Variants in MRNIP observed in about 807,000 individuals in gnomAD.
The protein encoded by MRNIP is MRN complex interacting protein.
In MRNIP, 30 loss-of-function variants were observed where a neutral mutation model predicts 29.8. That is an observed-to-expected ratio of 1.01 (90% CI 0.75 to 1.36). The LOEUF is 1.36. MRNIP is among the 40% of genes most tolerant of loss of function. The pLI is 0.00. For missense variants in MRNIP, 459 were observed against 423.5 expected (o/e 1.08, Z -0.74); for synonymous variants, 201 against 164.1 (o/e 1.23, Z -1.72).
intron 5 of MRNIP, chr5:179,841,494 A>G (rs1157686608): frequency 5.4e-6 from 1 of 186,716 alleles, no homozygotes. Context: ...GCCTCCCTAG[A>G]TCCTTAACCT....
In MRNIP at chr5:179,857,596, C is replaced by A. The variant is rs111555939; in HGVS notation, c.66+1135G>T. On this transcript the variant is annotated intron_variant, in intron 1 of 6. Coordinates refer to ENST00000292586, the MANE Select transcript of MRNIP (RefSeq NM_016175.4). ...TTTGCAACTCTTAGGACCCAGCTCC[C>A]GAAAGAAAATAAGTAAAAAGTTTCT... Among the ~76,000 whole-genome samples the A allele has an allele frequency of 2.8e-3, 426 of 152,268 alleles. 1 individual carries two copies. Among genetic ancestry groups the A allele is most frequent in the Middle Eastern group, 0.014 (4 of 294 alleles).
intron 2 of MRNIP, among the ~76,000 whole-genome samples, chr5:179,851,815 A>G (rs1171019204): frequency 6.6e-6 from 1 of 151,872 alleles, no homozygotes; most frequent in Admixed American, 6.6e-5. Flanking sequence ...CATCTCTACT[A>G]AAAATACAAA....
At chr5:179,850,004 G>C (rs968507785) in intron 2 of MRNIP, among the ~76,000 whole-genome samples, 1 of 151,690 alleles carries the variant, frequency 6.6e-6, no homozygotes, top group African/African-American at 2.4e-5. Flanking sequence ...GTACGAGACG[G>C]AATTTGAGGG....
rs765194020 is a variant in MRNIP, at chr5:179,837,827, T to A, written c.596A>T (p.Asn199Ile). ...CTCCCCGGCACTGCAGTCTGCAGAG[T>A]TCTCCTGGAGGCAGGGGCTGCTGCC... ...KQGSSPCLQE[N>I]SADCSAGELR... Residue 199 changes from asparagine (N) to isoleucine (I), a missense_variant, in exon 7 of 7, where the codon AAC becomes ATC. Transcript: ENST00000292586. The A allele has an allele frequency of 2.5e-6, 4 of 1,613,132 alleles. No homozygotes were observed. Among genetic ancestry groups the A allele is most frequent in the Non-Finnish European group, 3.4e-6 (4 of 1,180,016 alleles).
chr5:179,856,667 C>G (rs953172072), intron 1 of MRNIP, among the ~76,000 whole-genome samples: 6 of 152,064 alleles, frequency 3.9e-5, no homozygotes, highest in African/African-American at 9.7e-5. Flanking sequence ...GAGACAAGGT[C>G]TCGCTACGTT....
intron 4 of MRNIP, among the ~76,000 whole-genome samples, chr5:179,842,744 G>T (rs1257672239): frequency 8.2e-6 from 1 of 122,590 alleles, no homozygotes; most frequent in Non-Finnish European, 1.7e-5. Flanking sequence ...CAGAGGGGTG[G>T]AAACATGGCC....
rs764533820 is a variant in MRNIP, at chr5:179,837,662, G to A, written c.761C>T (p.Pro254Leu). ...SEQPRSLQRD[P>L]RPAGPAQAKQ... ...AGCCTGTGCTGGACCAGCTGGCCTG[G>A]GGTCCCTCTGAAGAGACCTTGGCTG... Residue 254 changes from proline (P) to leucine (L), a missense_variant, in exon 7 of 7, where the codon CCC becomes CTC. Physicochemically the swap from Pro to Leu is moderately conservative, Grantham distance 98. Coordinates refer to ENST00000292586, the MANE Select transcript of MRNIP (RefSeq NM_016175.4). 1.5e-5 allele frequency: 24 copies of A among 1,614,062 alleles called. 1 individual carries two copies. Among genetic ancestry groups the A allele is most frequent in the Middle Eastern group, 3.3e-4 (2 of 6,084 alleles).
rs111241492 is a variant in MRNIP, at chr5:179,846,771, C to T, written c.215+1207G>A. On this transcript the variant is annotated intron_variant, in intron 3 of 6. Coordinates refer to ENST00000292586, the MANE Select transcript of MRNIP (RefSeq NM_016175.4). Reference sequence around the variant, plus strand: ...CAAAATCTTAGAGATATTTCCCCCTCTTCAGCCATTGCCAAGGTCAATACA... The same window carrying T: ...CAAAATCTTAGAGATATTTCCCCCTTTTCAGCCATTGCCAAGGTCAATACA... Among the ~76,000 whole-genome samples the T allele has an allele frequency of 4.8e-3, 738 of 152,308 alleles. 4 individuals carry two copies. Among genetic ancestry groups the T allele is most frequent in the Middle Eastern group, 0.014 (4 of 294 alleles).
intron 1 of MRNIP, among the ~76,000 whole-genome samples, chr5:179,857,009 C>T (rs980585054): frequency 6.6e-6 from 1 of 152,124 alleles, no homozygotes; most frequent in Non-Finnish European, 1.5e-5. Context: ...TCAGCTGAGC[C>T]CGGGAGATGC....
At chr5:179,845,947 C>T (rs1224532706) in intron 3 of MRNIP, 1 of 152,172 alleles carries the variant, frequency 6.6e-6, no homozygotes, top group Non-Finnish European at 1.5e-5. Flanking sequence ...CATGTGCGTC[C>T]CTCCTGAAGC....
chr5:179,837,283 C>T lies in MRNIP; in HGVS notation c.*108G>A. The T allele has an allele frequency of 6.2e-7, 1 of 1,607,324 alleles. No homozygotes were observed. Among genetic ancestry groups the T allele is most frequent in the South Asian group, 1.1e-5 (1 of 90,468 alleles). On this transcript the variant is annotated 3_prime_UTR_variant, in exon 7 of 7. Coordinates refer to ENST00000292586, the MANE Select transcript of MRNIP (RefSeq NM_016175.4). ...CGTTTGCATAGAGAGAAATGATTGA[C>T]AGTAAGTTTATTGTTAATGGTTCTT...
intron 3 of MRNIP, 63 bp from the exon 4 acceptor site, chr5:179,844,290 C>T: frequency 5.2e-6 from 7 of 1,357,858 alleles, no homozygotes; most frequent in Non-Finnish European, 6.3e-6. Flanking sequence ...CAGTGGCTCA[C>T]TCCTGTAATC....
intron 1 of MRNIP, among the ~76,000 whole-genome samples, chr5:179,853,950 G>A (rs1582057230): frequency 6.6e-6 from 1 of 151,586 alleles, no homozygotes; most frequent in East Asian, 1.9e-4. Flanking sequence ...GACCTCAAGT[G>A]ATCCACCTGC....
chr5:179,851,133 C>T (rs1759349214), intron 2 of MRNIP: 7 of 440,520 alleles, frequency 1.6e-5, no homozygotes, highest in South Asian at 1.1e-4. Context: ...ACACCACATA[C>T]CACACACAGC....
intron 2 of MRNIP, among the ~76,000 whole-genome samples, chr5:179,850,156 A>G (rs1236372910): frequency 1.3e-5 from 2 of 150,424 alleles, no homozygotes; most frequent in African/African-American, 4.9e-5. Context: ...AAGAGCCTGA[A>G]TTTGAGATCC....
intron 3 of MRNIP, among the ~76,000 whole-genome samples, chr5:179,846,370 G>A (rs895604704): frequency 3.3e-5 from 5 of 151,282 alleles, no homozygotes; most frequent in Non-Finnish European, 2.9e-5. Flanking sequence ...TGCAGCCTCC[G>A]CCTCCCAGAT....
intron 2 of MRNIP, among the ~76,000 whole-genome samples, chr5:179,848,478 T>C (rs2113558817): frequency 6.6e-6 from 1 of 152,300 alleles, no homozygotes; most frequent in East Asian, 1.9e-4. Context: ...ATAAAATACA[T>C]TTTTTCCCAC....
At chr5:179,841,733 G>A in intron 5 of MRNIP, 174 bp downstream of exon 5, 2 of 678,744 alleles carry the variant, frequency 2.9e-6, no homozygotes, top group Non-Finnish European at 5.1e-6. Flanking sequence ...AGTGCCCAAT[G>A]CCCAGGTGGG....
At chr5:179,856,991 G>C (rs1759609845) in intron 1 of MRNIP, among the ~76,000 whole-genome samples, 1 of 152,194 alleles carries the variant, frequency 6.6e-6, no homozygotes, top group African/African-American at 2.4e-5. Context: ...GTGGGAGGCT[G>C]AGGTGGATCA....
Sources: allele counts gnomAD v4.1 joint callset (sites outside exome capture counted in the v4.1 genomes callset), GRCh38; gene constraint gnomAD v4.1.1; transcripts MANE v1.5; gene names NCBI Gene and HGNC (gene_info 2026-07-23, HGNC 2026-07-21).